SCLT1: variants seen among roughly 807,000 people sequenced by gnomAD.
SCLT1 encodes sodium channel-associated protein 1.
A neutral mutation model predicts 112.8 loss-of-function variants in SCLT1; 78 were observed. The observed-to-expected ratio is 0.69, with a 90% CI of 0.58 to 0.83. The LOEUF (loss-of-function observed/expected upper bound fraction) is 0.83. Among genes scored for constraint, SCLT1 ranks in the 40% least tolerant of loss-of-function variants. The probability of loss-of-function intolerance (pLI) is 0.00; values close to 1 mark genes in which losing one functional copy is unlikely to be tolerated. For missense variants in SCLT1, 747 were observed against 770.4 expected, an observed-to-expected ratio of 0.97 and a Z score of 0.36; for synonymous variants, 257 against 254.7, an observed-to-expected ratio of 1.01 and a Z score of -0.09.
intron 2 of SCLT1, among the ~76,000 whole-genome samples, chr4:129,056,165 T>C (rs1579872730): frequency 6.6e-6 from 1 of 152,124 alleles, no homozygotes; most frequent in African/African-American, 2.4e-5. Flanking sequence ...CAGTTGGAAA[T>C]GCAGAAATCA....
chr4:128,985,981 T>C (rs1376373725), intron 9 of SCLT1, among the ~76,000 whole-genome samples: 1 of 152,226 alleles, frequency 6.6e-6, no homozygotes, highest in Non-Finnish European at 1.5e-5. Flanking sequence ...ACAAATTGAA[T>C]GACCACCCAC....
chr4:129,050,107 T>A (rs921983993), intron 2 of SCLT1, among the ~76,000 whole-genome samples: 1 of 152,228 alleles, frequency 6.6e-6, no homozygotes, highest in African/African-American at 2.4e-5. Flanking sequence ...CCGTGGTGTA[T>A]ATGTGCCCCA....
chr4:128,946,386 T>C (rs763031407), intron 15 of SCLT1, among the ~76,000 whole-genome samples: 3 of 152,056 alleles, frequency 2.0e-5, no homozygotes, highest in Admixed American at 2.0e-4. Context: ...CTGGGCAACA[T>C]AGCAAGACCC....
intron 2 of SCLT1, among the ~76,000 whole-genome samples, chr4:129,056,782 A>G (rs539262917): frequency 1.3e-5 from 2 of 152,312 alleles, no homozygotes; most frequent in South Asian, 4.1e-4. Context: ...ATCTGCAAAC[A>G]GGGACAACTT....
chr4:128,897,981 A>C (rs1733927932), intron 18 of SCLT1, among the ~76,000 whole-genome samples: 1 of 152,216 alleles, frequency 6.6e-6, no homozygotes. Flanking sequence ...AACTATCTTA[A>C]ATATATATGC....
chr4:129,026,844 C>T (rs374557276), intron 5 of SCLT1, among the ~76,000 whole-genome samples: 20 of 152,008 alleles, frequency 1.3e-4, no homozygotes, highest in East Asian at 5.8e-4. Flanking sequence ...ATCAAATAGA[C>T]GCAATAAAAA....
chr4:128,976,845 A>G (rs1181690652), intron 9 of SCLT1, among the ~76,000 whole-genome samples: 1 of 152,148 alleles, frequency 6.6e-6, no homozygotes, highest in Non-Finnish European at 1.5e-5. Context: ...AAAGGTAGGT[A>G]AGTGTAGGGC....
At position 128,999,747 on chromosome 4, in the gene SCLT1, C is replaced by T; in HGVS notation, c.474G>A (p.Leu158=). Residue 158 remains leucine (L), a synonymous_variant, in exon 7 of 21, where the codon TTG becomes TTA. Transcript: ENST00000281142. The stretch of plus-strand genomic sequence containing the variant: ...CCTGGTAAAGCTTGTGTAGTCTGTC[C>T]AACTCCTGAGAAACAGTCTGCCAGA... ...VELWQTVSQE[L]DRLHKLYQEH... 1 of 1,604,292 alleles carries T rather than the reference C, an allele frequency of 6.2e-7. No individual in the cohort carries two copies. The highest frequency in any genetic ancestry group is 8.5e-7 in the Non-Finnish European group (1 of 1,173,754).
In SCLT1 at chr4:129,005,560, T is replaced by A. The variant is rs191461875; in HGVS notation, c.291-1684A>T. On this transcript the variant is annotated intron_variant, in intron 5 of 20. Coordinates refer to ENST00000281142, the MANE Select transcript of SCLT1 (RefSeq NM_144643.4). ...TGGAGAAATAGGAACACCTTTACAC[T>A]GTTGGTGGGACTGTAAACTAGTTCA... Among the ~76,000 whole-genome samples the A allele has an allele frequency of 3.7e-3, 568 of 152,316 alleles. 1 individual carries two copies. The highest frequency in any genetic ancestry group is 0.011 in the African/African-American group (470 of 41,572).
At position 128,894,336 on chromosome 4, in the gene SCLT1, C is replaced by T. The variant is rs143146138; in HGVS notation, c.1830-3199G>A. Among the ~76,000 whole-genome samples, 178 of 150,168 alleles carry T rather than the reference C, an allele frequency of 1.2e-3. 2 individuals are homozygous for T. Among genetic ancestry groups the T allele is most frequent in the African/African-American group, 3.9e-3 (159 of 40,864 alleles). On this transcript the variant is annotated intron_variant, in intron 18 of 20. Coordinates refer to ENST00000281142, the MANE Select transcript of SCLT1 (RefSeq NM_144643.4). ...CTGCCCTATACTGCAACATGGCAGG[C>T]AAATAATGAAAGTTCATTGAGTAAG...
intron 1 of SCLT1, among the ~76,000 whole-genome samples, chr4:129,084,417 C>T (rs1242751409): frequency 4.0e-5 from 5 of 124,842 alleles, no homozygotes; most frequent in Non-Finnish European, 9.0e-5. Flanking sequence ...GTAAAAGATG[C>T]TATTTATAGT....
At chr4:129,063,629 G>A (rs969518772) in intron 2 of SCLT1, among the ~76,000 whole-genome samples, 1 of 152,216 alleles carries the variant, frequency 6.6e-6, no homozygotes, top group Non-Finnish European at 1.5e-5. Context: ...GCCAGCTGGT[G>A]TGGTGGTACA....
chr4:128,976,839 G>T (rs1460669888), intron 9 of SCLT1, among the ~76,000 whole-genome samples: 5 of 152,116 alleles, frequency 3.3e-5, no homozygotes, highest in Non-Finnish European at 5.9e-5. Flanking sequence ...AAGCATAAAG[G>T]TAGGTAAGTG....
At chr4:128,941,750 CAAG>C (rs984673751) in intron 17 of SCLT1, among the ~76,000 whole-genome samples, 5 of 151,982 alleles carry the variant, frequency 3.3e-5, no homozygotes, top group Non-Finnish European at 5.9e-5. Flanking sequence ...AACCCAAAGG[CAAG>C]AAGATTTTCT....
At position 129,033,502 on chromosome 4, in the gene SCLT1, TAAAA is replaced by T. The variant is rs56325033; in HGVS notation, c.290+5535_290+5538del. ...TGCCCATGTATCCCAGAACTTAAAG[TAAAA>T]AAAAAAAAAAAAAAAAAAAAAAAAT... On this transcript the variant is annotated intron_variant, in intron 5 of 20. Transcript: ENST00000281142. Among the ~76,000 whole-genome samples, 433 of 44,328 alleles carry T rather than the reference TAAAA, an allele frequency of 9.8e-3. 2 individuals are homozygous for T. The highest frequency in any genetic ancestry group is 0.032 in the African/African-American group (415 of 12,818). 29.1% of individuals were successfully genotyped at this position (44,328 alleles called of 152,430 possible).
rs186197233 is a variant in SCLT1 at position 129,005,694 on chromosome 4, C to T, written c.291-1818G>A. Among the ~76,000 whole-genome samples, 249 of 151,956 alleles carry T rather than the reference C, an allele frequency of 1.6e-3. 2 individuals carry two copies. Among genetic ancestry groups the T allele is most frequent in the East Asian group, 0.014 (71 of 5,160 alleles). On this transcript the variant is annotated intron_variant, in intron 5 of 20. Transcript: ENST00000281142. ...TATACCCAAAGGACTATAAATCATG[C>T]TGCTATAAAGACACATGCACACGTA...
chr4:128,910,432 T>G (rs1735005332), intron 18 of SCLT1, among the ~76,000 whole-genome samples: 1 of 152,256 alleles, frequency 6.6e-6, no homozygotes, highest in Admixed American at 6.5e-5. Context: ...GTTCACATAC[T>G]TTGTCCATCT....
intron 12 of SCLT1, among the ~76,000 whole-genome samples, chr4:128,959,305 T>G (rs1473305613): frequency 6.6e-6 from 1 of 151,922 alleles, no homozygotes; most frequent in African/African-American, 2.4e-5. Flanking sequence ...AGTAAAGCAC[T>G]GTTAACAGTT....
At chr4:128,929,156 T>C (rs528731330) in intron 18 of SCLT1, among the ~76,000 whole-genome samples, 6 of 152,318 alleles carry the variant, frequency 3.9e-5, no homozygotes, top group Admixed American at 2.0e-4. Flanking sequence ...TTGTCCTAAG[T>C]AAGGTCACTG....
Sources: gnomAD v4.1 joint callset for allele counts (sites outside exome capture counted in the v4.1 genomes callset) on GRCh38, gnomAD v4.1.1 for gene constraint, MANE v1.5 for transcripts, NCBI Gene and HGNC (gene_info 2026-07-23, HGNC 2026-07-21) for gene names.